ARNT: variants seen among roughly 807,000 people sequenced by gnomAD.
ARNT encodes aryl hydrocarbon receptor nuclear translocator, also known as class E basic helix-loop-helix protein 2.
A neutral mutation model predicts 105.0 loss-of-function variants in ARNT; 30 were observed. That is an observed-to-expected ratio of 0.29 (90% CI 0.21 to 0.39). ARNT has a LOEUF of 0.39. Ranked by LOEUF, ARNT falls within the 10% of genes least tolerant of loss-of-function variation. ARNT has a pLI of 1.00. For missense variants in ARNT, 748 were observed against 978.7 expected (o/e 0.76, Z 3.15); for synonymous variants, 304 against 344.0 (o/e 0.88, Z 1.29).
At chr1:150,857,194 T>A (rs587704266) in intron 2 of ARNT, among the ~76,000 whole-genome samples, 1 of 152,338 alleles carries the variant, frequency 6.6e-6, no homozygotes, top group Admixed American at 6.5e-5. Flanking sequence ...ATTGTGAACA[T>A]CTTTCTACAC....
chr1:150,865,423 C>T (rs1384958979), intron 1 of ARNT, among the ~76,000 whole-genome samples: 2 of 152,064 alleles, frequency 1.3e-5, no homozygotes, highest in Non-Finnish European at 2.9e-5. Flanking sequence ...AGCAGAAAAC[C>T]AACTCAATTT....
chr1:150,826,121 G>A (rs1336023498), intron 13 of ARNT, among the ~76,000 whole-genome samples: 1 of 151,996 alleles, frequency 6.6e-6, no homozygotes, highest in East Asian at 1.9e-4. Context: ...CACTGTGTTG[G>A]CCAGGCTGGG....
chr1:150,836,666 A>G (rs1180700877), intron 6 of ARNT, among the ~76,000 whole-genome samples, 173 bp from the exon 7 acceptor site: 4 of 152,218 alleles, frequency 2.6e-5, no homozygotes, highest in South Asian at 2.1e-4. Flanking sequence ...CATCGATAAG[A>G]AAGTTTTTTC....
At chr1:150,875,173 G>A (rs1379548464) in intron 1 of ARNT, among the ~76,000 whole-genome samples, 1 of 151,908 alleles carries the variant, frequency 6.6e-6, no homozygotes, top group Non-Finnish European at 1.5e-5. Flanking sequence ...TGACATAACG[G>A]CATTTTTCCT....
At chr1:150,863,009 C>T (rs1375049093) in intron 1 of ARNT, among the ~76,000 whole-genome samples, 1 of 150,426 alleles carries the variant, frequency 6.6e-6, no homozygotes, top group Admixed American at 6.7e-5. Context: ...CAAGATCGTG[C>T]CACTGCACTC....
At position 150,810,464 on chromosome 1, in the gene ARNT, A is replaced by G. The variant is rs1163920192; in HGVS notation, c.*1557T>C. The stretch of plus-strand genomic sequence containing the variant: ...AAAAAAATAAACTGTCTCCTTTTTT[A>G]CTCCACTACCTGGCACCAGACTGGA... On this transcript the variant is annotated 3_prime_UTR_variant, in exon 22 of 22. Coordinates refer to ENST00000358595, the MANE Select transcript of ARNT (RefSeq NM_001668.4). 1 of 221,854 alleles carries G rather than the reference A, an allele frequency of 4.5e-6. No homozygotes were observed. The highest frequency in any genetic ancestry group is 2.2e-5 in the African/African-American group (1 of 44,636). The allele number at this position is 221,854 out of a possible 1,614,324, so 13.7% of individuals were successfully genotyped here.
intron 7 of ARNT, 65 bp downstream of exon 7, chr1:150,836,215 T>G (rs1353264760): frequency 7.2e-6 from 11 of 1,521,838 alleles, no homozygotes; most frequent in Non-Finnish European, 9.9e-6. Flanking sequence ...CTAAAACATC[T>G]CTTAAGTCTC....
intron 4 of ARNT, among the ~76,000 whole-genome samples, chr1:150,843,127 T>C (rs1410855489): frequency 6.6e-6 from 1 of 152,212 alleles, no homozygotes; most frequent in African/African-American, 2.4e-5. Flanking sequence ...TATTGATTTG[T>C]TCCTAAAATA....
intron 1 of ARNT, among the ~76,000 whole-genome samples, chr1:150,860,139 T>C (rs966278636): frequency 2.0e-5 from 3 of 151,316 alleles, no homozygotes; most frequent in Admixed American, 1.3e-4. Flanking sequence ...TCATACTGTA[T>C]AGTGTACAAT....
chr1:150,816,485 C>T (rs1655909845), intron 18 of ARNT, 79 bp from the exon 19 acceptor site: 1 of 1,471,618 alleles, frequency 6.8e-7, no homozygotes, highest in Admixed American at 2.4e-5. Flanking sequence ...CAATCTAGTG[C>T]TATCCCTAGA....
At chr1:150,823,462 A>G (rs1657525305) in intron 13 of ARNT, 117 bp from the exon 14 acceptor site, 1 of 870,204 alleles carries the variant, frequency 1.1e-6, no homozygotes, top group African/African-American at 1.7e-5. Context: ...TGAGGCACCA[A>G]TATTTTTCAA....
At chr1:150,869,903 C>T (rs1667184871) in intron 1 of ARNT, among the ~76,000 whole-genome samples, 1 of 152,086 alleles carries the variant, frequency 6.6e-6, no homozygotes, top group Non-Finnish European at 1.5e-5. Flanking sequence ...CTTGGTTCTC[C>T]AACCAAGCAA....
intron 13 of ARNT, among the ~76,000 whole-genome samples, chr1:150,823,679 T>A (rs1657580661): frequency 6.6e-6 from 1 of 151,512 alleles, no homozygotes; most frequent in Non-Finnish European, 1.5e-5. Context: ...GCCTCCCGAG[T>A]GGCTGGGACT....
At chr1:150,857,863 G>A (rs1664908740) in intron 2 of ARNT, among the ~76,000 whole-genome samples, 1 of 152,008 alleles carries the variant, frequency 6.6e-6, no homozygotes, top group Admixed American at 6.6e-5. Context: ...TATCCTACTT[G>A]GAATCAGCAC....
intron 1 of ARNT, among the ~76,000 whole-genome samples, chr1:150,862,811 G>C (rs75532024): frequency 1.6e-4 from 24 of 150,704 alleles, no homozygotes; most frequent in Non-Finnish European, 3.0e-4. Context: ...CTAGCACTTT[G>C]AGAGGCCGAG....
In ARNT at chr1:150,810,565, A is replaced by G. The variant is rs1010343836; in HGVS notation, c.*1456T>C. 1 of 215,944 alleles carries G rather than the reference A, an allele frequency of 4.6e-6. No homozygotes were observed. The highest frequency in any genetic ancestry group is 2.3e-5 in the African/African-American group (1 of 44,178). 13.4% of individuals were successfully genotyped at this position (215,944 alleles called of 1,614,324 possible). On this transcript the variant is annotated 3_prime_UTR_variant, in exon 22 of 22. Coordinates refer to ENST00000358595, the MANE Select transcript of ARNT (RefSeq NM_001668.4). The stretch of plus-strand genomic sequence containing the variant: ...GGCCACCCTTGCTCCTCAGTCCCCT[A>G]TGACTACATTTAATATATCTTCTCA...
At position 150,811,129 on chromosome 1, in the gene ARNT, A is replaced by G. The variant is rs774799661; in HGVS notation, c.*892T>C. 30 of 233,138 alleles carry G rather than the reference A, an allele frequency of 1.3e-4. No individual in the cohort carries two copies. The highest frequency in any genetic ancestry group is 2.3e-4 in the Non-Finnish European group (27 of 117,702). The allele number at this position is 233,138 out of a possible 1,614,324, so 14.4% of individuals were successfully genotyped here. A position where few individuals can be genotyped will look rare whatever the true frequency, so the allele number is the denominator to read the frequency against. ...TTTATCTTGCCAGCCTATTTAGGTA[A>G]TGTTTGCAGATCTTCCAGATAAGGT... On this transcript the variant is annotated 3_prime_UTR_variant, in exon 22 of 22. Transcript: ENST00000358595.
intron 6 of ARNT, among the ~76,000 whole-genome samples, chr1:150,838,322 T>G (rs940124234): frequency 6.6e-6 from 1 of 152,222 alleles, no homozygotes; most frequent in African/African-American, 2.4e-5. Context: ...ATTACAGCAC[T>G]TCTATTATAG....
At chr1:150,842,117 C>T (rs375416807) in intron 5 of ARNT, 4 of 222,756 alleles carry the variant, frequency 1.8e-5, no homozygotes, top group Non-Finnish European at 3.0e-5. Flanking sequence ...CCAACTGGCA[C>T]GGTTGCATTC....
Sources: allele counts gnomAD v4.1 joint callset (sites outside exome capture counted in the v4.1 genomes callset), GRCh38; gene constraint gnomAD v4.1.1; transcripts MANE v1.5; gene names NCBI Gene and HGNC (gene_info 2026-07-23, HGNC 2026-07-21).